The following RFTN2 variants were observed in gnomAD, a reference collection of about 807,000 sequenced individuals.
RFTN2 encodes the protein raftlin-2.
Under a neutral mutation model 52.7 loss-of-function variants are expected in RFTN2, and 34 were observed. That is an observed-to-expected ratio of 0.64 (90% CI 0.49 to 0.86). The LOEUF is 0.86. Among genes scored for constraint, RFTN2 ranks in the 40% least tolerant of loss-of-function variants. The pLI is 0.00. For missense variants in RFTN2, 536 were observed against 600.1 expected (o/e 0.89, Z 1.12); for synonymous variants, 203 against 217.7 (o/e 0.93, Z 0.59).
chr2:197,675,118 A>G (rs1005133871), intron 1 of RFTN2, among the ~76,000 whole-genome samples: 9 of 152,242 alleles, frequency 5.9e-5, no homozygotes, highest in Non-Finnish European at 1.0e-4. Context: ...TTTAGAAGGT[A>G]CATATGAGCC....
chr2:197,658,045 T>C (rs78198610), intron 1 of RFTN2, among the ~76,000 whole-genome samples: 28,429 of 152,080 alleles, frequency 0.19, 2,777 homozygotes, highest in Middle Eastern at 0.27. Context: ...TGAATAATTA[T>C]GTTTCCACGA....
intron 7 of RFTN2, 139 bp from the exon 8 acceptor site, chr2:197,596,208 CT>C (rs1316799154): frequency 4.2e-6 from 2 of 472,950 alleles, no homozygotes; most frequent in Non-Finnish European, 7.3e-6. Context: ...TCTTTTTTTT[CT>C]TCCAGTGATG....
In RFTN2 at chr2:197,644,220, C is replaced by T. The variant is rs1012721204; in HGVS notation, c.376G>A (p.Glu126Lys). 47 of 1,613,640 alleles carry T rather than the reference C, an allele frequency of 2.9e-5. No homozygotes were observed. Among genetic ancestry groups the T allele is most frequent in the Non-Finnish European group, 3.9e-5 (46 of 1,179,660 alleles). The change falls in exon 3 of 9, where the codon GAG (glutamate) becomes AAG (lysine). Residue 126 changes from glutamate (E) to lysine (K), a missense_variant. Glu to Lys is a moderately conservative substitution (Grantham distance 56). Transcript: ENST00000295049. ...SGQRRPRLVI[E>K]ECPLTSEAQT... Reference sequence around the variant, plus strand: ...GCCTCAGAAGTTAGGGGACATTCCTCAATCACGAGCCTTGGGCGTCTTTGT... The same window carrying T: ...GCCTCAGAAGTTAGGGGACATTCCTTAATCACGAGCCTTGGGCGTCTTTGT...
At chr2:197,621,099 C>T (rs1256963210) in intron 5 of RFTN2, among the ~76,000 whole-genome samples, 1 of 152,014 alleles carries the variant, frequency 6.6e-6, no homozygotes. Context: ...TTTACTGTCA[C>T]ACTGAAGTGA....
chr2:197,650,069 C>T (rs762432022), intron 1 of RFTN2, among the ~76,000 whole-genome samples: 7 of 151,818 alleles, frequency 4.6e-5, no homozygotes, highest in Non-Finnish European at 8.8e-5. Flanking sequence ...TGGTAAATTT[C>T]ATGTCATGTA....
intron 8 of RFTN2, among the ~76,000 whole-genome samples, chr2:197,578,558 T>C (rs1017453568): frequency 6.6e-5 from 10 of 152,128 alleles, no homozygotes; most frequent in Non-Finnish European, 1.2e-4. Flanking sequence ...GAAATTCCCC[T>C]ACTGAGCACC....
intron 1 of RFTN2, among the ~76,000 whole-genome samples, chr2:197,652,448 G>A (rs1042708671): frequency 6.6e-6 from 1 of 152,272 alleles, no homozygotes; most frequent in East Asian, 1.9e-4. Flanking sequence ...TTCTAAAAGT[G>A]ATTCAGAAGA....
At chr2:197,589,609 C>T (rs1043920331) in intron 8 of RFTN2, among the ~76,000 whole-genome samples, 1 of 152,210 alleles carries the variant, frequency 6.6e-6, no homozygotes, top group African/African-American at 2.4e-5. Context: ...TCCCTAATGG[C>T]TAGTGATTTA....
chr2:197,630,508 G>A (rs2088451769), intron 5 of RFTN2, among the ~76,000 whole-genome samples: 1 of 152,196 alleles, frequency 6.6e-6, no homozygotes, highest in South Asian at 2.1e-4. Flanking sequence ...GAAGGCTAGA[G>A]AGGGATGAAA....
chr2:197,616,555 G>T (rs1240132065), intron 6 of RFTN2, among the ~76,000 whole-genome samples: 1 of 152,080 alleles, frequency 6.6e-6, no homozygotes, highest in African/African-American at 2.4e-5. Context: ...CCTTCCTAAA[G>T]TGCTGGGGTT....
intron 8 of RFTN2, among the ~76,000 whole-genome samples, chr2:197,591,912 C>A (rs750937104): frequency 1.3e-5 from 2 of 152,056 alleles, no homozygotes; most frequent in African/African-American, 4.8e-5. Context: ...CTGGTTCCTG[C>A]CCCGTGCCTC....
chr2:197,590,958 C>T (rs1052139164), intron 8 of RFTN2, among the ~76,000 whole-genome samples: 1 of 152,192 alleles, frequency 6.6e-6, no homozygotes, highest in Non-Finnish European at 1.5e-5. Flanking sequence ...CAGCAGGTTG[C>T]CACTGCTGGC....
intron 1 of RFTN2, among the ~76,000 whole-genome samples, chr2:197,655,410 A>AAC (rs376657708): frequency 1.7e-3 from 257 of 152,000 alleles, no homozygotes; most frequent in Non-Finnish European, 2.1e-3. Flanking sequence ...TAATGCAAGA[A>AAC]ACACACACAC....
At chr2:197,580,851 C>T (rs190941044) in intron 8 of RFTN2, among the ~76,000 whole-genome samples, 19 of 152,244 alleles carry the variant, frequency 1.2e-4, no homozygotes, top group African/African-American at 4.6e-4. Flanking sequence ...TTAGTTATCC[C>T]CACCTGCCCA....
At chr2:197,630,696 C>T (rs114893988) in intron 5 of RFTN2, among the ~76,000 whole-genome samples, 2,587 of 152,220 alleles carry the variant, frequency 0.017, 71 homozygotes, top group African/African-American at 0.059. Flanking sequence ...CCATCATAAA[C>T]CTCCCGTTTG....
intron 7 of RFTN2, among the ~76,000 whole-genome samples, chr2:197,605,011 C>A (rs1368231042): frequency 6.6e-6 from 1 of 152,110 alleles, no homozygotes; most frequent in Non-Finnish European, 1.5e-5. Flanking sequence ...CCCATCTGGG[C>A]CTCCCAAAGT....
chr2:197,640,542 C>T (rs7604432), intron 3 of RFTN2, among the ~76,000 whole-genome samples: 65,036 of 146,414 alleles, frequency 0.44, 12,231 homozygotes, highest in Middle Eastern at 0.54. Context: ...AAAGGGAACT[C>T]CCTGACCCCT....
chr2:197,629,587 A>T (rs904535810), intron 5 of RFTN2, among the ~76,000 whole-genome samples: 1 of 151,966 alleles, frequency 6.6e-6, no homozygotes, highest in South Asian at 2.1e-4. Context: ...TAGAACTTAA[A>T]GTATAATAAT....
At position 197,671,448 on chromosome 2, in the gene RFTN2, C is replaced by T. The variant is rs188962638; in HGVS notation, c.139+3872G>A. On this transcript the variant is annotated intron_variant, in intron 1 of 8. Transcript: ENST00000295049. ...CTTGTATTGTAATTTTTTGTTCATT[C>T]ACTCATTCAACAAAGAATATTGACC... is the stretch of plus-strand genomic sequence containing the variant. Among the ~76,000 whole-genome samples, 4 of 152,294 alleles carry T rather than the reference C, an allele frequency of 2.6e-5. No homozygotes were observed. In the East Asian group the frequency reaches 7.7e-4, roughly 29 times the overall value.
Sources: allele counts gnomAD v4.1 joint callset (sites outside exome capture counted in the v4.1 genomes callset), GRCh38; gene constraint gnomAD v4.1.1; transcripts MANE v1.5; gene names NCBI Gene and HGNC (gene_info 2026-07-23, HGNC 2026-07-21).